Variants in ABCA13 observed in about 807,000 individuals in gnomAD.
ABCA13 encodes the protein ATP-binding cassette sub-family A member 13.
Under a neutral mutation model 478.7 loss-of-function variants are expected in ABCA13, and 476 were observed. The observed-to-expected ratio is 0.99, with a 90% confidence interval of 0.92 to 1.07. ABCA13 has a LOEUF of 1.07. Among genes scored for constraint, ABCA13 ranks in the 50% least tolerant of loss-of-function variants. The pLI is 0.00. For synonymous variants in ABCA13, 2,252 were observed against 2,158.9 expected, an observed-to-expected ratio of 1.04 and a Z score of -1.20; for missense variants, 6,060 against 5,910.6, an observed-to-expected ratio of 1.03 and a Z score of -0.83.
At chr7:48,343,298 G>T (rs1807530938) in intron 29 of ABCA13, among the ~76,000 whole-genome samples, 1 of 152,184 alleles carries the variant, frequency 6.6e-6, no homozygotes, top group Non-Finnish European at 1.5e-5. Flanking sequence ...TCCATTTGGG[G>T]ATGGAGTGGA....
At chr7:48,223,647 G>A (rs1252537694) in intron 5 of ABCA13, among the ~76,000 whole-genome samples, 2 of 152,102 alleles carry the variant, frequency 1.3e-5, no homozygotes, top group African/African-American at 4.8e-5. Context: ...AAGCCTGACT[G>A]GAGTGGGTTT....
At chr7:48,341,858 T>TATATATGTATATATCTTTCTG (rs1807238443) in intron 29 of ABCA13, among the ~76,000 whole-genome samples, 1 of 86,718 alleles carries the variant, frequency 1.2e-5, no homozygotes, top group African/African-American at 4.5e-5. Context: ...ATCTTTCTGA[T>TATATATGTATATATCTTTCTG]ATATATATAT....
At chr7:48,188,213 A>G (rs1251964626) in intron 1 of ABCA13, among the ~76,000 whole-genome samples, 2 of 152,214 alleles carry the variant, frequency 1.3e-5, no homozygotes, top group Admixed American at 6.5e-5. Context: ...GTGCTCTCCT[A>G]TGAAAAATTG....
Position 48,279,203 on chromosome 7 carries a change from C to T in ABCA13, c.8009C>T (p.Ser2670Phe), listed in dbSNP as rs1796697817. ...NNETQTFSMD[S>F]VNLREEILGC... ...GAGACTCAAACATTTTCTATGGATT[C>T]TGTCAACTTACGGGAAGAAATTCTG... Residue 2670 changes from serine (S) to phenylalanine (F), a missense_variant, in exon 18 of 62, where the codon TCT (serine) becomes TTT (phenylalanine). Around this residue, in one of 3 missense-constraint regions of ABCA13, gnomAD observed 4,423 missense variants for 4,309.1 expected, o/e 1.03. Transcript: ENST00000435803. 1.3e-6 allele frequency: 2 copies of T among 1,595,310 alleles called. No individual in the cohort carries two copies. Among genetic ancestry groups the T allele is most frequent in the African/African-American group, 1.3e-5 (1 of 74,748 alleles).
At chr7:48,200,490 T>C (rs966599004) in intron 3 of ABCA13, among the ~76,000 whole-genome samples, 12 of 152,260 alleles carry the variant, frequency 7.9e-5, no homozygotes, top group Admixed American at 6.5e-4. Context: ...AAAAGCAACC[T>C]GGTGAGATTC....
chr7:48,601,534 C>G (rs1203293231), intron 58 of ABCA13, among the ~76,000 whole-genome samples: 3 of 152,238 alleles, frequency 2.0e-5, no homozygotes, highest in Non-Finnish European at 4.4e-5. Context: ...CATCCATGTC[C>G]CTGCAAGGGA....
chr7:48,309,962 C>T lies in ABCA13; in HGVS notation c.9337C>T (p.Leu3113Phe). 1.9e-6 allele frequency: 3 copies of T among 1,613,850 alleles called. No homozygotes were observed. Among genetic ancestry groups the T allele is most frequent in the Non-Finnish European group, 2.5e-6 (3 of 1,179,782 alleles). Residue 3113 changes from leucine to phenylalanine, a missense_variant, in exon 24 of 62, where the codon CTC becomes TTC. By Grantham distance (22) the Leu-to-Phe change is conservative (BLOSUM62 0). Coordinates refer to ENST00000435803, the MANE Select transcript of ABCA13 (RefSeq NM_152701.5). The stretch of plus-strand genomic sequence containing the variant: ...TTTGAAACAGGTTCTCTTCAGTGCC[C>T]TCACCGTAGCTCTGTCTGGAAAGTG... ...ISHSKVLFSA[L>F]TVALSGKCDQ...
intron 23 of ABCA13, among the ~76,000 whole-genome samples, chr7:48,309,284 A>G (rs1322178789): frequency 6.6e-6 from 1 of 152,104 alleles, no homozygotes; most frequent in Non-Finnish European, 1.5e-5. Flanking sequence ...AGCAGGAAGT[A>G]TGGTTTTTGT....
chr7:48,343,315 G>A (rs1336103083), intron 29 of ABCA13, among the ~76,000 whole-genome samples: 1 of 152,154 alleles, frequency 6.6e-6, no homozygotes, highest in Non-Finnish European at 1.5e-5. Context: ...TGGATTGATG[G>A]AGGTAGACTT....
intron 55 of ABCA13, among the ~76,000 whole-genome samples, chr7:48,548,416 C>T (rs999304357): frequency 2.6e-5 from 4 of 151,670 alleles, no homozygotes; most frequent in African/African-American, 9.7e-5. Flanking sequence ...ATATAAAAGC[C>T]GAGTTGAAGT....
At chr7:48,341,833 G>GATATATATATATATCTTTCTGAT (rs1807219018) in intron 29 of ABCA13, among the ~76,000 whole-genome samples, 1 of 71,340 alleles carries the variant, frequency 1.4e-5, no homozygotes, top group African/African-American at 5.1e-5. Flanking sequence ...ATATCTTTCT[G>GATATATATATATATCTTTCTGAT]ATATATATAT....
At chr7:48,502,168 G>A (rs1331736767) in intron 48 of ABCA13, among the ~76,000 whole-genome samples, 1 of 152,086 alleles carries the variant, frequency 6.6e-6, no homozygotes, top group Non-Finnish European at 1.5e-5. Flanking sequence ...TCCAGGAGAG[G>A]GTCTGGCACG....
chr7:48,284,807 C>A (rs1797505925), intron 19 of ABCA13, among the ~76,000 whole-genome samples: 2 of 152,086 alleles, frequency 1.3e-5, no homozygotes, highest in Non-Finnish European at 2.9e-5. Flanking sequence ...AATTGTTACT[C>A]CATCCTGTAG....
intron 55 of ABCA13, among the ~76,000 whole-genome samples, chr7:48,536,153 G>A (rs899156666): frequency 3.9e-5 from 6 of 152,056 alleles, no homozygotes; most frequent in Non-Finnish European, 8.8e-5. Flanking sequence ...TCCCTCTATG[G>A]TAACATCTCT....
chr7:48,527,700 G>A (rs1832973865), intron 54 of ABCA13, among the ~76,000 whole-genome samples: 1 of 152,160 alleles, frequency 6.6e-6, no homozygotes, highest in Non-Finnish European at 1.5e-5. Flanking sequence ...TGAGTTAGGA[G>A]TGAATTTGCA....
chr7:48,427,746 C>A lies in ABCA13; in HGVS notation c.12460-20C>A, dbSNP rs187575663. 4.8e-6 allele frequency: 7 copies of A among 1,467,732 alleles called. No homozygotes were observed. Among genetic ancestry groups the A allele is most frequent in the Non-Finnish European group, 6.7e-6 (7 of 1,050,810 alleles). The allele number at this position is 1,467,732 out of a possible 1,614,324, so 90.9% of individuals were successfully genotyped here. ...TATAGAAACATAAAATAATACATGGCGTTTTTTTTTCTCCGAAAGGTGTTT... is the reference window on the plus strand; with the variant it reads ...TATAGAAACATAAAATAATACATGGAGTTTTTTTTTCTCCGAAAGGTGTTT... On this transcript the variant is annotated intron_variant, in intron 41 of 61. Coordinates refer to ENST00000435803, the MANE Select transcript of ABCA13 (RefSeq NM_152701.5).
intron 3 of ABCA13, among the ~76,000 whole-genome samples, chr7:48,205,557 C>G (rs1244361218): frequency 6.6e-6 from 1 of 151,446 alleles, no homozygotes; most frequent in Admixed American, 6.6e-5. Context: ...TTGCACTTCT[C>G]CTTTAGGGAA....
At chr7:48,193,941 A>T (rs1797519645) in intron 2 of ABCA13, among the ~76,000 whole-genome samples, 1 of 71,166 alleles carries the variant, frequency 1.4e-5, no homozygotes, top group Non-Finnish European at 3.0e-5. Context: ...TGTAGATAAT[A>T]GTAATGATGT....
At position 48,464,321 on chromosome 7, in the gene ABCA13, A is replaced by T. The variant is rs114967380; in HGVS notation, c.12816-2635A>T. On this transcript the variant is annotated intron_variant, in intron 43 of 61. Coordinates refer to ENST00000435803, the MANE Select transcript of ABCA13 (RefSeq NM_152701.5). ...CCTGAAGGCTGTTTATACAGAGGTC[A>T]CACTGCCTACTTATGAGACATAACT... Among the ~76,000 whole-genome samples the T allele has an allele frequency of 8.3e-3, 1,269 of 152,354 alleles. 25 individuals carry two copies. The highest frequency in any genetic ancestry group is 0.029 in the African/African-American group (1,218 of 41,588).
Sources: gnomAD v4.1 joint callset for allele counts (sites outside exome capture counted in the v4.1 genomes callset) on GRCh38, gnomAD v4.1.1 for gene constraint, gnomAD v4.1.1 regional missense constraint, MANE v1.5 for transcripts, NCBI Gene and HGNC (gene_info 2026-07-23, HGNC 2026-07-21) for gene names.